Variants in TMEM132C observed in about 807,000 individuals in gnomAD.
TMEM132C encodes transmembrane protein 132C.
In TMEM132C, 29 loss-of-function variants were observed where a neutral mutation model predicts 61.4. The ratio of observed to expected loss-of-function variants is 0.47; its 90% CI spans 0.35 to 0.64. The LOEUF is 0.64. TMEM132C is among the 30% of genes least tolerant of loss of function. The pLI is 0.00. For missense variants in TMEM132C, 1,408 were observed against 1,476.9 expected (o/e 0.95, Z 0.76); for synonymous variants, 656 against 633.1 (o/e 1.04, Z -0.54).
chr12:128,561,220 C>T (rs188531298), intron 3 of TMEM132C, among the ~76,000 whole-genome samples: 3 of 152,352 alleles, frequency 2.0e-5, no homozygotes, highest in African/African-American at 7.2e-5. Flanking sequence ...GACATATAGA[C>T]ATTTTGTTAA....
chr12:128,431,109 C>A (rs953281108), intron 2 of TMEM132C, among the ~76,000 whole-genome samples: 2 of 152,172 alleles, frequency 1.3e-5, no homozygotes, highest in African/African-American at 2.4e-5. Flanking sequence ...AAGGAAAGTT[C>A]TGGAAGGAAA....
At chr12:128,543,925 T>A (rs759942394) in intron 2 of TMEM132C, 32 bp from the exon 3 acceptor site, 1 of 1,484,880 alleles carries the variant, frequency 6.7e-7, no homozygotes, top group African/African-American at 1.4e-5. Flanking sequence ...CTTAACCCTG[T>A]CTCTCTCTCT....
intron 2 of TMEM132C, among the ~76,000 whole-genome samples, chr12:128,483,186 T>C (rs1347425745): frequency 6.7e-6 from 1 of 149,404 alleles, no homozygotes; most frequent in Non-Finnish European, 1.5e-5. Context: ...GGCGATTGCT[T>C]GAGTCCAGGA....
chr12:128,559,515 G>C (rs1874444018), intron 3 of TMEM132C, among the ~76,000 whole-genome samples: 1 of 152,084 alleles, frequency 6.6e-6, no homozygotes, highest in Non-Finnish European at 1.5e-5. Flanking sequence ...TTTACACATT[G>C]CATATTAGCA....
At chr12:128,686,012 T>C (rs1378801478) in intron 5 of TMEM132C, among the ~76,000 whole-genome samples, 1 of 150,720 alleles carries the variant, frequency 6.6e-6, no homozygotes, top group Non-Finnish European at 1.5e-5. Context: ...CATCTCTTCC[T>C]GTGTGTGCAT....
At chr12:128,285,180 A>C (rs1443811627) in intron 1 of TMEM132C, among the ~76,000 whole-genome samples, 1 of 152,224 alleles carries the variant, frequency 6.6e-6, no homozygotes, top group Non-Finnish European at 1.5e-5. Context: ...CTGCAGGGTG[A>C]CTATGATGAA....
intron 1 of TMEM132C, among the ~76,000 whole-genome samples, chr12:128,396,282 C>T (rs1338321182): frequency 6.6e-6 from 1 of 152,042 alleles, no homozygotes; most frequent in African/African-American, 2.4e-5. Flanking sequence ...TTTCCAACTG[C>T]TTCCTAATAA....
chr12:128,460,352 A>C (rs1483113268), intron 2 of TMEM132C, among the ~76,000 whole-genome samples: 1 of 152,114 alleles, frequency 6.6e-6, no homozygotes, highest in African/African-American at 2.4e-5. Context: ...GCCTCTCCTC[A>C]CAGGGTAGCC....
At chr12:128,575,030 A>G (rs558991299) in intron 3 of TMEM132C, among the ~76,000 whole-genome samples, 1 of 152,336 alleles carries the variant, frequency 6.6e-6, no homozygotes, top group East Asian at 1.9e-4. Flanking sequence ...CTCCCGCTAT[A>G]TGCACTACAA....
chr12:128,271,118 G>A (rs993149394), intron 1 of TMEM132C, among the ~76,000 whole-genome samples: 1 of 151,954 alleles, frequency 6.6e-6, no homozygotes, highest in Non-Finnish European at 1.5e-5. Flanking sequence ...GCTGGGCGTG[G>A]TGGCGGGGGC....
chr12:128,298,722 G>T (rs1871502561), intron 1 of TMEM132C, among the ~76,000 whole-genome samples: 1 of 152,208 alleles, frequency 6.6e-6, no homozygotes, highest in African/African-American at 2.4e-5. Context: ...TTGCAGATGA[G>T]GCTGGAGTTG....
rs1592992927 is a variant in TMEM132C, at chr12:128,274,188, A to G, written c.85+6701A>G. On this transcript the variant is annotated intron_variant, in intron 1 of 8. Transcript: ENST00000435159. ...AGAGACTGATTTCTTGTCTTCCACAATGTGTACGCATTTTTTCTTCCTGAT... is the reference window on the plus strand; with the variant it reads ...AGAGACTGATTTCTTGTCTTCCACAGTGTGTACGCATTTTTTCTTCCTGAT... Among the ~76,000 whole-genome samples the G allele has an allele frequency of 5.9e-5, 9 of 152,290 alleles. No homozygotes were observed. The East Asian group carries it at 1.7e-3, about 29-fold the overall frequency.
At chr12:128,396,764 G>C (rs1369921850) in intron 1 of TMEM132C, among the ~76,000 whole-genome samples, 1 of 152,140 alleles carries the variant, frequency 6.6e-6, no homozygotes. Flanking sequence ...GCTAGGAAGT[G>C]GCCAGGCTGT....
intron 1 of TMEM132C, among the ~76,000 whole-genome samples, chr12:128,293,331 T>G (rs573460117): frequency 1.3e-5 from 2 of 152,334 alleles, no homozygotes; most frequent in East Asian, 3.9e-4. Context: ...TCATGGTTAA[T>G]AAAAGTCACA....
intron 3 of TMEM132C, among the ~76,000 whole-genome samples, chr12:128,606,781 G>A (rs766955864): frequency 4.6e-5 from 7 of 152,100 alleles, no homozygotes; most frequent in East Asian, 1.9e-4. Flanking sequence ...CATGCCAAGC[G>A]ACTTATCAAA....
chr12:128,599,861 C>T (rs1593115034), intron 3 of TMEM132C, among the ~76,000 whole-genome samples: 1 of 152,176 alleles, frequency 6.6e-6, no homozygotes, highest in South Asian at 2.1e-4. Context: ...CCATAATACC[C>T]ACGTGTCATA....
chr12:128,492,649 C>G (rs1749406184), intron 2 of TMEM132C, among the ~76,000 whole-genome samples: 1 of 152,170 alleles, frequency 6.6e-6, no homozygotes, highest in Non-Finnish European at 1.5e-5. Flanking sequence ...TAAGTGTCTT[C>G]TTTTGAGAAG....
intron 3 of TMEM132C, among the ~76,000 whole-genome samples, chr12:128,548,936 C>T (rs1480845198): frequency 1.3e-5 from 2 of 152,152 alleles, no homozygotes; most frequent in African/African-American, 2.4e-5. Context: ...GCTACTACTA[C>T]ATCATTTTAT....
intron 1 of TMEM132C, among the ~76,000 whole-genome samples, chr12:128,371,186 G>A (rs1421024416): frequency 1.3e-5 from 2 of 152,190 alleles, no homozygotes; most frequent in East Asian, 1.9e-4. Context: ...AACAGAAGGT[G>A]CATTGGTGTG....
Sources: allele counts gnomAD v4.1 joint callset (sites outside exome capture counted in the v4.1 genomes callset), GRCh38; gene constraint gnomAD v4.1.1; transcripts MANE v1.5; gene names NCBI Gene and HGNC (gene_info 2026-07-23, HGNC 2026-07-21).